Variants in ADCY2 observed in about 807,000 individuals in gnomAD.
The protein encoded by ADCY2 is adenylate cyclase 2.
Under a neutral mutation model 125.2 loss-of-function variants are expected in ADCY2, and 31 were observed. That is an observed-to-expected ratio of 0.25 (90% confidence interval 0.19 to 0.33). The LOEUF (loss-of-function observed/expected upper bound fraction) is 0.33. ADCY2 is among the 10% of genes least tolerant of loss of function. The probability of loss-of-function intolerance (pLI) is 1.00; values close to 1 mark genes in which losing one functional copy is unlikely to be tolerated. For missense variants in ADCY2, 904 were observed against 1,418.2 expected (o/e 0.64, Z 5.82); for synonymous variants, 512 against 548.4 (o/e 0.93, Z 0.93).
intron 22 of ADCY2, among the ~76,000 whole-genome samples, chr5:7,811,849 T>C (rs1303366819): frequency 6.6e-6 from 1 of 152,212 alleles, no homozygotes; most frequent in Non-Finnish European, 1.5e-5. Flanking sequence ...CAGGAAACAC[T>C]TGCTGTCCAC....
intron 2 of ADCY2, among the ~76,000 whole-genome samples, chr5:7,453,997 A>G (rs1306805365): frequency 2.0e-5 from 3 of 152,144 alleles, no homozygotes; most frequent in African/African-American, 7.2e-5. Context: ...TTTTCTATCT[A>G]CAGGGAGACT....
intron 4 of ADCY2, among the ~76,000 whole-genome samples, chr5:7,658,544 C>T (rs1315018977): frequency 6.6e-6 from 1 of 151,772 alleles, no homozygotes; most frequent in Non-Finnish European, 1.5e-5. Context: ...CTCAGCCTCC[C>T]GAGTAGCTGG....
intron 2 of ADCY2, among the ~76,000 whole-genome samples, chr5:7,418,647 G>GGTTTTTTTTTTTTTTTT: frequency 1.4e-5 from 1 of 73,750 alleles, no homozygotes; most frequent in Non-Finnish European, 2.6e-5. Context: ...TCTACCTTCT[G>GGTTTTTTTTTTTTTTTT]TTTTTTTTTT....
intron 1 of ADCY2, among the ~76,000 whole-genome samples, chr5:7,408,119 C>T (rs942650404): frequency 2.3e-4 from 35 of 151,838 alleles, no homozygotes; most frequent in African/African-American, 7.0e-4. Flanking sequence ...ATCTGCTCGC[C>T]TCAACCTCCT....
chr5:7,803,647 C>G (rs931180741), intron 21 of ADCY2, among the ~76,000 whole-genome samples: 4 of 152,132 alleles, frequency 2.6e-5, no homozygotes, highest in Non-Finnish European at 5.9e-5. Context: ...GCCTGTCATC[C>G]TAGCACTTTA....
chr5:7,468,738 T>G (rs1387803081), intron 2 of ADCY2, among the ~76,000 whole-genome samples: 1 of 152,174 alleles, frequency 6.6e-6, no homozygotes, highest in African/African-American at 2.4e-5. Context: ...ATAGAGGCCG[T>G]GAATTCACTC....
chr5:7,647,766 A>C (rs1007883487), intron 4 of ADCY2, among the ~76,000 whole-genome samples: 1 of 152,180 alleles, frequency 6.6e-6, no homozygotes, highest in Admixed American at 6.5e-5. Context: ...CATTTGGCAA[A>C]ATTTAGAAAT....
rs1745269176 is a variant in ADCY2, at chr5:7,820,695, G to A, written c.3123+6G>A. Reference sequence around the variant, plus strand: ...GAGTCCTGGACAAAATACAGGTAATGCAGAGTGTGGTCTGCGCTGCCTGCA... The same window carrying A: ...GAGTCCTGGACAAAATACAGGTAATACAGAGTGTGGTCTGCGCTGCCTGCA... On this transcript the variant is annotated splice_donor_region_variant and intron_variant, in intron 24 of 24. Coordinates refer to ENST00000338316, the MANE Select transcript of ADCY2 (RefSeq NM_020546.3). 5 of 1,612,632 alleles carry A rather than the reference G, an allele frequency of 3.1e-6. No homozygotes were observed. The South Asian group carries it at 3.3e-5, about 11-fold the overall frequency.
At chr5:7,535,036 T>TTTTG (rs901431787) in intron 3 of ADCY2, among the ~76,000 whole-genome samples, 5 of 152,202 alleles carry the variant, frequency 3.3e-5, no homozygotes, top group South Asian at 2.1e-4. Flanking sequence ...AAAGCTTTGC[T>TTTTG]TTTGTTTGTT....
At chr5:7,627,709 G>C (rs1229736259) in intron 4 of ADCY2, among the ~76,000 whole-genome samples, 2 of 152,102 alleles carry the variant, frequency 1.3e-5, no homozygotes, top group Admixed American at 1.3e-4. Context: ...TTAAATTTTG[G>C]CACTAGTCCT....
chr5:7,737,758 C>T (rs1243914074), intron 14 of ADCY2, among the ~76,000 whole-genome samples: 4 of 152,138 alleles, frequency 2.6e-5, no homozygotes, highest in African/African-American at 7.2e-5. Flanking sequence ...TATAGTCACA[C>T]TTCTGGAAAC....
chr5:7,588,709 A>G (rs536071545), intron 3 of ADCY2, among the ~76,000 whole-genome samples: 3 of 152,370 alleles, frequency 2.0e-5, no homozygotes, highest in Admixed American at 6.5e-5. Context: ...AAATTTATGT[A>G]ATTTTCATGT....
rs770960774 is a variant in ADCY2, at chr5:7,414,612, A to T, written c.250A>T (p.Thr84Ser). Reference protein sequence around the residue: ...DHVAFLITVPTALAIFFAIFI... With the variant: ...DHVAFLITVPSALAIFFAIFI... ...TGTGGCGTTTCTAATAACAGTTCCA[A>T]CTGCCCTGGCGATTTTCTTTGCGAT... is the stretch of plus-strand genomic sequence containing the variant. Residue 84 changes from threonine to serine, a missense_variant, in exon 2 of 25, where the codon ACT (threonine) becomes TCT (serine). By Grantham distance (58) the Thr-to-Ser change is moderately conservative (BLOSUM62 1). Transcript: ENST00000338316. 1 of 1,613,290 alleles carries T rather than the reference A, an allele frequency of 6.2e-7. No individual in the cohort carries two copies. Among genetic ancestry groups the T allele is most frequent in the East Asian group, 2.2e-5 (1 of 44,858 alleles).
At chr5:7,520,328 A>G (rs1362124615) in intron 2 of ADCY2, among the ~76,000 whole-genome samples, 1 of 151,924 alleles carries the variant, frequency 6.6e-6, no homozygotes, top group Non-Finnish European at 1.5e-5. Context: ...CCCCTCCTCC[A>G]TGGGTCTCCA....
In ADCY2 at chr5:7,802,080, G is replaced by T. The variant is rs1038033104; in HGVS notation, c.2629-138G>T. ...AGCGGCAGCATCTGGATTGGGCCGC[G>T]GCTGGGGTGGGGCAAGTGGAGTAGG... On this transcript the variant is annotated intron_variant, in intron 20 of 24. Transcript: ENST00000338316. The surrounding 1 kb of genome is among the most constrained non-coding windows in gnomAD (Gnocchi z 4.6). 2 of 932,478 alleles carry T rather than the reference G, an allele frequency of 2.1e-6. No individual in the cohort carries two copies. The highest frequency in any genetic ancestry group is 3.2e-6 in the Non-Finnish European group (2 of 628,400). 57.8% of individuals were successfully genotyped at this position (932,478 alleles called of 1,614,324 possible).
chr5:7,539,955 CA>C (rs1161527380), intron 3 of ADCY2, among the ~76,000 whole-genome samples: 1 of 152,230 alleles, frequency 6.6e-6, no homozygotes, highest in Non-Finnish European at 1.5e-5. Flanking sequence ...TTACTAAACA[CA>C]GTTAATTATT....
intron 1 of ADCY2, among the ~76,000 whole-genome samples, chr5:7,411,912 A>G (rs1739731707): frequency 6.6e-6 from 1 of 152,106 alleles, no homozygotes; most frequent in South Asian, 2.1e-4. Context: ...CGTCTCTACT[A>G]AAAATACAAA....
intron 14 of ADCY2, among the ~76,000 whole-genome samples, chr5:7,741,558 C>A (rs1389488195): frequency 7.6e-6 from 1 of 131,510 alleles, no homozygotes; most frequent in Non-Finnish European, 1.6e-5. Flanking sequence ...CCATCACCAT[C>A]CCTATCACCA....
chr5:7,711,016 T>C (rs1320985361), intron 10 of ADCY2, among the ~76,000 whole-genome samples: 2 of 152,144 alleles, frequency 1.3e-5, no homozygotes, highest in African/African-American at 4.8e-5. Flanking sequence ...AACCAGATTA[T>C]TTAAGATGGA....
Sources: gnomAD v4.1 joint callset for allele counts (sites outside exome capture counted in the v4.1 genomes callset) on GRCh38, gnomAD v4.1.1 for gene constraint, Gnocchi (gnomAD v3.1) non-coding constraint, MANE v1.5 for transcripts, NCBI Gene and HGNC (gene_info 2026-07-23, HGNC 2026-07-21) for gene names.